The following CHCHD3 variants were observed in gnomAD, a reference collection of about 807,000 sequenced individuals.
CHCHD3 encodes MICOS complex subunit MIC19.
A neutral mutation model predicts 38.2 loss-of-function variants in CHCHD3; 20 were observed. That is an observed-to-expected ratio of 0.52 (90% CI 0.37 to 0.76). The LOEUF (loss-of-function observed/expected upper bound fraction) is 0.76. Among genes scored for constraint, CHCHD3 ranks in the 30% least tolerant of loss-of-function variants. The pLI is 0.00. For missense variants in CHCHD3, 245 were observed against 279.2 expected (o/e 0.88, Z 0.87); for synonymous variants, 82 against 100.0 (o/e 0.82, Z 1.07).
At chr7:132,886,034 CAA>C (rs1005894126) in intron 4 of CHCHD3, among the ~76,000 whole-genome samples, 4 of 152,094 alleles carry the variant, frequency 2.6e-5, no homozygotes, top group African/African-American at 9.7e-5. Context: ...ACTTCCCTAT[CAA>C]AGAGTAATTT....
Position 133,021,544 on chromosome 7 carries a change from T to A in CHCHD3, c.251+3002A>T, listed in dbSNP as rs370493694. Among the ~76,000 whole-genome samples the A allele has an allele frequency of 1.4e-4, 22 of 152,322 alleles. No individual in the cohort carries two copies. The East Asian group carries it at 2.7e-3, about 19-fold the overall frequency. On this transcript the variant is annotated intron_variant, in intron 3 of 7. Transcript: ENST00000262570. ...TCCTTGCTTTCTAAGCTAATCGGAG[T>A]TAAATTTCAGTCTTCCAACTAAATA...
In CHCHD3 at chr7:132,890,008, A is replaced by G. The variant is rs139495596; in HGVS notation, c.370-4263T>C. On this transcript the variant is annotated intron_variant, in intron 4 of 7. Transcript: ENST00000262570. ...TATAAAACATTTTTCCCCATCTACT[A>G]TTTGCTATTCCTAGAAGAAATATGT... is the stretch of plus-strand genomic sequence containing the variant. Among the ~76,000 whole-genome samples, 362 of 152,298 alleles carry G rather than the reference A, an allele frequency of 2.4e-3. 3 individuals carry two copies. Among genetic ancestry groups the G allele is most frequent in the African/African-American group, 8.5e-3 (352 of 41,572 alleles).
intron 5 of CHCHD3, among the ~76,000 whole-genome samples, chr7:132,844,404 C>T (rs2117105101): frequency 6.6e-6 from 1 of 152,336 alleles, no homozygotes; most frequent in South Asian, 2.1e-4. Flanking sequence ...CAACATATCA[C>T]TTCTGTGCCT....
intron 2 of CHCHD3, chr7:133,034,684 C>A (rs1478881505): frequency 6.2e-7 from 1 of 1,613,158 alleles, no homozygotes; most frequent in Non-Finnish European, 8.5e-7. Flanking sequence ...TACTCTCGAA[C>A]CAGCGTCTGG....
At chr7:132,892,625 G>A (rs760982322) in intron 4 of CHCHD3, among the ~76,000 whole-genome samples, 16 of 152,146 alleles carry the variant, frequency 1.1e-4, no homozygotes, top group Non-Finnish European at 1.8e-4. Flanking sequence ...CCCTCCCATC[G>A]TAGGTCCAGA....
At chr7:132,799,778 G>T (rs960801833) in intron 6 of CHCHD3, among the ~76,000 whole-genome samples, 3 of 152,110 alleles carry the variant, frequency 2.0e-5, no homozygotes, top group Admixed American at 2.0e-4. Context: ...AAATTACTGG[G>T]AACCTTTCAT....
rs185101515 is a variant in CHCHD3, at chr7:132,825,045, G to C, written c.524+13354C>G. ...AACAAATCTTTTAGTAATAATTCCT[G>C]CATCAAGTTTTGATGCTTCTGCAGT... On this transcript the variant is annotated intron_variant, in intron 6 of 7. Transcript: ENST00000262570. Among the ~76,000 whole-genome samples, 370 of 152,214 alleles carry C rather than the reference G, an allele frequency of 2.4e-3. 3 individuals carry two copies. Among genetic ancestry groups the C allele is most frequent in the African/African-American group, 8.3e-3 (346 of 41,498 alleles).
chr7:132,844,313 T>C (rs1445733324), intron 5 of CHCHD3, among the ~76,000 whole-genome samples: 1 of 151,960 alleles, frequency 6.6e-6, no homozygotes, highest in Non-Finnish European at 1.5e-5. Flanking sequence ...AACAAAAAAA[T>C]GTGGAGAAAG....
chr7:132,807,978 T>C (rs1456585438), intron 6 of CHCHD3, among the ~76,000 whole-genome samples: 2 of 151,932 alleles, frequency 1.3e-5, no homozygotes, highest in Non-Finnish European at 2.9e-5. Context: ...TTTCCACACG[T>C]TTTGTGGCAC....
At position 133,035,393 on chromosome 7, in the gene CHCHD3, T is replaced by C. The variant is rs772949084; in HGVS notation, c.170-10766A>G. ...GAAAGGCCCGGCGGAAAGAAGGCTCTAGAACCTGCTTATAGAGCCACAACA... is the reference window on the plus strand; with the variant it reads ...GAAAGGCCCGGCGGAAAGAAGGCTCCAGAACCTGCTTATAGAGCCACAACA... On this transcript the variant is annotated intron_variant, in intron 2 of 7. Transcript: ENST00000262570. This position sits in a 1 kb window ranked among gnomAD's most constrained non-coding sequence, Gnocchi z 4.7. 2.2e-5 allele frequency: 35 copies of C among 1,613,504 alleles called. 2 individuals are homozygous for C. The South Asian group carries it at 3.7e-4, about 17-fold the overall frequency.
intron 2 of CHCHD3, among the ~76,000 whole-genome samples, chr7:133,045,261 A>G (rs1176448815): frequency 1.3e-5 from 2 of 152,218 alleles, no homozygotes; most frequent in Admixed American, 6.5e-5. Flanking sequence ...AGGCCTGACA[A>G]CTGACGAAGA....
intron 3 of CHCHD3, among the ~76,000 whole-genome samples, chr7:132,991,726 T>C (rs1812289021): frequency 1.3e-5 from 2 of 152,196 alleles, no homozygotes; most frequent in Admixed American, 1.3e-4. Flanking sequence ...TTCAGTACTT[T>C]GAAACTCATA....
At chr7:132,812,190 T>TTTTTCTTTTC (rs1400697607) in intron 6 of CHCHD3, among the ~76,000 whole-genome samples, 1 of 70,056 alleles carries the variant, frequency 1.4e-5, no homozygotes, top group African/African-American at 6.2e-5. Flanking sequence ...CCACTTCCTT[T>TTTTTCTTTTC]TTTTCTTTTC....
chr7:132,815,519 A>G (rs773859208), intron 6 of CHCHD3: 5 of 455,120 alleles, frequency 1.1e-5, no homozygotes, highest in Middle Eastern at 3.2e-4. Flanking sequence ...ACTGGTGCTC[A>G]GGTTGCCTGA....
chr7:132,949,212 A>G (rs1250849264), intron 4 of CHCHD3, among the ~76,000 whole-genome samples: 8 of 152,114 alleles, frequency 5.3e-5, no homozygotes, highest in Non-Finnish European at 1.0e-4. Flanking sequence ...CATCCTAGGG[A>G]AAAACAAGAT....
Position 133,034,508 on chromosome 7 carries a change from CTTTTTTTTTT to C in CHCHD3, c.170-9891_170-9882del, listed in dbSNP as rs146912120. The C allele has an allele frequency of 3.1e-4, 87 of 285,196 alleles. 2 individuals carry two copies. In the Middle Eastern group the frequency reaches 6.2e-3, roughly 20 times the overall value. 17.7% of individuals were successfully genotyped at this position (285,196 alleles called of 1,614,324 possible). On this transcript the variant is annotated intron_variant, in intron 2 of 7. Transcript: ENST00000262570. Reference sequence around the variant, plus strand: ...AGTCCTTTCAGCAATTGGATCCAGTCTTTTTTTTTTTTTTTTTTTTTTCAATGTTCAGTTT... The same window carrying C: ...AGTCCTTTCAGCAATTGGATCCAGTCTTTTTTTTTTTTCAATGTTCAGTTT...
At chr7:132,864,331 G>T (rs1306899686) in intron 5 of CHCHD3, among the ~76,000 whole-genome samples, 1 of 152,180 alleles carries the variant, frequency 6.6e-6, no homozygotes, top group East Asian at 1.9e-4. Flanking sequence ...GGGTGGAGGA[G>T]TCAGAACACA....
chr7:133,046,485 T>C (rs578042544), intron 2 of CHCHD3, among the ~76,000 whole-genome samples: 3 of 152,366 alleles, frequency 2.0e-5, no homozygotes, highest in African/African-American at 7.2e-5. Context: ...TTTTATTTAA[T>C]GTGCTAGTAA....
intron 3 of CHCHD3, among the ~76,000 whole-genome samples, chr7:133,006,034 T>A (rs1020116248): frequency 2.0e-5 from 3 of 152,204 alleles, no homozygotes; most frequent in Non-Finnish European, 4.4e-5. Flanking sequence ...ACAAAGAACA[T>A]TATTAAGTTA....
Sources: gnomAD v4.1 joint callset for allele counts (sites outside exome capture counted in the v4.1 genomes callset) on GRCh38, gnomAD v4.1.1 for gene constraint, Gnocchi (gnomAD v3.1) non-coding constraint, MANE v1.5 for transcripts, NCBI Gene and HGNC (gene_info 2026-07-23, HGNC 2026-07-21) for gene names.